The following IFT52 variants were observed in gnomAD, a reference collection of about 807,000 sequenced individuals.
The protein encoded by IFT52 is intraflagellar transport 52.
A neutral mutation model predicts 54.4 loss-of-function variants in IFT52; 44 were observed. The ratio of observed to expected loss-of-function variants is 0.81; its 90% CI spans 0.63 to 1.04. The LOEUF (loss-of-function observed/expected upper bound fraction) is 1.04, where lower values mean the gene tolerates loss of function less well. IFT52 is among the 50% of genes least tolerant of loss of function. The pLI, the probability that IFT52 is intolerant of heterozygous loss-of-function variation, is 0.00. For synonymous variants in IFT52, 181 were observed against 185.3 expected (o/e 0.98, Z 0.19); for missense variants, 452 against 523.6 (o/e 0.86, Z 1.33).
At chr20:43,607,203 G>A (rs1339189696) in intron 6 of IFT52, among the ~76,000 whole-genome samples, 2 of 144,352 alleles carry the variant, frequency 1.4e-5, no homozygotes, top group South Asian at 4.4e-4. Context: ...GCGGCTGGCC[G>A]GGCGGGGGGC....
intron 10 of IFT52, 76 bp downstream of exon 10, chr20:43,624,121 G>C: frequency 7.0e-7 from 1 of 1,437,530 alleles, no homozygotes; most frequent in Non-Finnish European, 9.6e-7. Context: ...ACCTGGGAAC[G>C]GGAATTAGGG....
chr20:43,611,587 G>A (rs1048683563), intron 6 of IFT52, among the ~76,000 whole-genome samples: 4 of 149,976 alleles, frequency 2.7e-5, no homozygotes, highest in South Asian at 2.2e-4. Flanking sequence ...ACAGGTGCCC[G>A]CCACCACACC....
chr20:43,637,213 C>T lies in IFT52; in HGVS notation c.1080C>T (p.Phe360=). ...PLELFDLDET[F]SSEKARLAQI... is the part of the protein sequence containing the mutation. ...AGCTATTTGATTTAGATGAAACGTT[C>T]TCCTCTGAGAAGGCACGGCTGGCTC... The change falls in exon 12 of 14, where the codon TTC becomes TTT. Residue 360 remains phenylalanine (F), a synonymous_variant. Transcript: ENST00000373030. The T allele has an allele frequency of 6.2e-7, 1 of 1,603,128 alleles. No homozygotes were observed.
intron 3 of IFT52, among the ~76,000 whole-genome samples, chr20:43,600,216 G>C (rs1982314497): frequency 6.6e-6 from 1 of 152,152 alleles, no homozygotes; most frequent in African/African-American, 2.4e-5. Context: ...ACTGGTGGAA[G>C]TGATGTATTG....
intron 7 of IFT52, among the ~76,000 whole-genome samples, chr20:43,614,369 A>T (rs1394792314): frequency 6.6e-6 from 1 of 151,494 alleles, no homozygotes; most frequent in African/African-American, 2.4e-5. Context: ...CGAGTAGCTA[A>T]GACTACAGGC....
intron 10 of IFT52, among the ~76,000 whole-genome samples, chr20:43,630,922 A>T (rs1449757674): frequency 6.6e-6 from 1 of 152,230 alleles, no homozygotes; most frequent in Non-Finnish European, 1.5e-5. Flanking sequence ...ACTTAATGGG[A>T]CAAAGCCTTT....
intron 9 of IFT52, among the ~76,000 whole-genome samples, chr20:43,623,251 C>G (rs1029471171): frequency 2.6e-5 from 4 of 152,146 alleles, no homozygotes; most frequent in Admixed American, 1.3e-4. Flanking sequence ...GTGGTTTGAT[C>G]ACGGCTCACT....
chr20:43,624,159 G>T, intron 10 of IFT52, 114 bp downstream of exon 10: 1 of 1,149,222 alleles, frequency 8.7e-7, no homozygotes, highest in Non-Finnish European at 1.3e-6. Context: ...TGCAGAACAT[G>T]TTCTCAGATC....
chr20:43,597,961 G>A (rs1029719666), intron 3 of IFT52, among the ~76,000 whole-genome samples: 9 of 150,572 alleles, frequency 6.0e-5, no homozygotes, highest in Non-Finnish European at 1.0e-4. Flanking sequence ...CCAAAAGAAT[G>A]GAAAACCAGA....
intron 10 of IFT52, among the ~76,000 whole-genome samples, chr20:43,630,509 A>T (rs548275865): frequency 6.6e-6 from 1 of 152,190 alleles, no homozygotes; most frequent in East Asian, 1.9e-4. Context: ...ACATCTTTCA[A>T]TAGTTTATCT....
At chr20:43,609,073 A>C (rs2145610764) in intron 6 of IFT52, among the ~76,000 whole-genome samples, 1 of 143,294 alleles carries the variant, frequency 7.0e-6, no homozygotes, top group Admixed American at 7.0e-5. Context: ...CTGTCTCTAC[A>C]AAAAAAAAAA....
chr20:43,622,487 C>T (rs937775922), intron 9 of IFT52, among the ~76,000 whole-genome samples: 1 of 151,606 alleles, frequency 6.6e-6, no homozygotes, highest in Non-Finnish European at 1.5e-5. Context: ...CCTGTAGTCC[C>T]AGCTACTCGG....
At position 43,628,707 on chromosome 20, in the gene IFT52, C is replaced by A. The variant is rs534659492; in HGVS notation, c.923+4662C>A. Among the ~76,000 whole-genome samples the A allele has an allele frequency of 2.0e-5, 3 of 152,046 alleles. 1 individual carries two copies. The highest frequency in any genetic ancestry group is 6.6e-5 in the Admixed American group (1 of 15,234). ...CTCTACTAAAAACACAAAAATCAGC[C>A]GAGCTTGGTGGTGCGCGCCTGTAGT... On this transcript the variant is annotated intron_variant, in intron 10 of 13. Transcript: ENST00000373030.
chr20:43,617,691 G>A (rs960201570), intron 7 of IFT52, among the ~76,000 whole-genome samples: 5 of 151,950 alleles, frequency 3.3e-5, no homozygotes, highest in African/African-American at 9.7e-5. Context: ...TGATCCACCC[G>A]CCTCGGCCTC....
intron 6 of IFT52, among the ~76,000 whole-genome samples, chr20:43,607,707 C>T (rs1340429162): frequency 5.3e-5 from 8 of 150,942 alleles, no homozygotes; most frequent in Non-Finnish European, 8.9e-5. Context: ...AGATGATGGG[C>T]GGCCAGGCAG....
chr20:43,614,326 C>T (rs528033683), intron 7 of IFT52, among the ~76,000 whole-genome samples: 1 of 151,754 alleles, frequency 6.6e-6, no homozygotes, highest in East Asian at 1.9e-4. Context: ...GCTCCACCTC[C>T]CGGGTTCACG....
At chr20:43,623,233 G>A (rs1984471351) in intron 9 of IFT52, among the ~76,000 whole-genome samples, 1 of 152,162 alleles carries the variant, frequency 6.6e-6, no homozygotes, top group Non-Finnish European at 1.5e-5. Context: ...CACCCAGGCT[G>A]GTGTGCAGTG....
intron 3 of IFT52, among the ~76,000 whole-genome samples, chr20:43,599,172 T>G (rs1982230629): frequency 1.3e-5 from 2 of 152,136 alleles, no homozygotes; most frequent in Non-Finnish European, 2.9e-5. Flanking sequence ...CAGAGGGCAG[T>G]GGCCTGCAGA....
intron 11 of IFT52, 45 bp from the exon 12 acceptor site, chr20:43,637,100 C>T: frequency 1.5e-6 from 2 of 1,306,242 alleles, no homozygotes; most frequent in South Asian, 1.2e-5. Context: ...ATTTCCTTTA[C>T]CTTATCCTCC....
Sources: gnomAD v4.1 joint callset for allele counts (sites outside exome capture counted in the v4.1 genomes callset) on GRCh38, gnomAD v4.1.1 for gene constraint, MANE v1.5 for transcripts, NCBI Gene and HGNC (gene_info 2026-07-23, HGNC 2026-07-21) for gene names.